SCEL: variants seen among roughly 807,000 people sequenced by gnomAD.
SCEL encodes sciellin.
Under a neutral mutation model 117.6 loss-of-function variants are expected in SCEL, and 113 were observed. The ratio of observed to expected loss-of-function variants is 0.96; its 90% confidence interval spans 0.83 to 1.12. SCEL has a LOEUF of 1.12. Ranked by LOEUF, SCEL falls within the 50% of genes most tolerant of loss-of-function variation. The pLI is 0.00. For synonymous variants in SCEL, 270 were observed against 256.2 expected, an observed-to-expected ratio of 1.05 and a Z score of -0.51; for missense variants, 785 against 810.8, an observed-to-expected ratio of 0.97 and a Z score of 0.39.
chr13:77,541,289 G>A (rs188884773), intron 1 of SCEL, among the ~76,000 whole-genome samples: 54 of 152,226 alleles, frequency 3.5e-4, no homozygotes, highest in African/African-American at 1.3e-3. Flanking sequence ...AAAACAAAAT[G>A]ATTCTACTTT....
At chr13:77,589,100 C>G in intron 9 of SCEL, 44 bp from the exon 10 acceptor site, 1 of 1,413,852 alleles carries the variant, frequency 7.1e-7, no homozygotes, top group Non-Finnish European at 1.0e-6. Context: ...CTAAAATTTA[C>G]CATGTTTCCA....
At chr13:77,601,953 T>G in intron 15 of SCEL, 112 bp from the exon 16 acceptor site, 38 of 749,908 alleles carry the variant, frequency 5.1e-5, no homozygotes, top group Non-Finnish European at 7.6e-5. Context: ...TTGTATCTTA[T>G]GAGATTCTCT....
intron 9 of SCEL, among the ~76,000 whole-genome samples, 183 bp downstream of exon 9, chr13:77,572,372 T>G (rs2085689512): frequency 6.6e-6 from 1 of 152,174 alleles, no homozygotes; most frequent in Admixed American, 6.5e-5. Flanking sequence ...TGATAGGACA[T>G]CTGACAAACT....
At chr13:77,634,605 T>A (rs996641177) in intron 29 of SCEL, among the ~76,000 whole-genome samples, 155 bp downstream of exon 29, 50 of 152,300 alleles carry the variant, frequency 3.3e-4, no homozygotes, top group African/African-American at 1.1e-3. Context: ...TTCTCTATAA[T>A]GTTTCTGATA....
chr13:77,555,477 C>G (rs917530977), intron 1 of SCEL, among the ~76,000 whole-genome samples: 14 of 152,214 alleles, frequency 9.2e-5, no homozygotes, highest in African/African-American at 3.1e-4. Flanking sequence ...CTCTCTCTCC[C>G]TCTTGACTAT....
chr13:77,619,348 C>A (rs1198875001), intron 27 of SCEL, among the ~76,000 whole-genome samples: 1 of 152,086 alleles, frequency 6.6e-6, no homozygotes, highest in Admixed American at 6.6e-5. Context: ...TATTCATGCA[C>A]CCTATTTTGT....
At chr13:77,574,211 A>G (rs749747021) in intron 9 of SCEL, among the ~76,000 whole-genome samples, 2 of 152,242 alleles carry the variant, frequency 1.3e-5, no homozygotes, top group East Asian at 1.9e-4. Flanking sequence ...ATCTCATGCT[A>G]TCAATGCCTG....
chr13:77,558,811 C>T (rs1015311038), intron 3 of SCEL, among the ~76,000 whole-genome samples: 1 of 101,162 alleles, frequency 9.9e-6, no homozygotes, highest in African/African-American at 3.8e-5. Context: ...GAGCAAGACT[C>T]TGTCTTACAA....
At chr13:77,558,116 C>G (rs539462560) in intron 3 of SCEL, among the ~76,000 whole-genome samples, 1 of 152,184 alleles carries the variant, frequency 6.6e-6, no homozygotes, top group East Asian at 1.9e-4. Flanking sequence ...GACATGTAGA[C>G]CATACATTTT....
intron 9 of SCEL, among the ~76,000 whole-genome samples, chr13:77,585,706 C>T (rs1263696869): frequency 1.3e-5 from 2 of 152,118 alleles, no homozygotes; most frequent in African/African-American, 2.4e-5. Context: ...TTCTTATCAC[C>T]TGGACCATCT....
chr13:77,639,509 C>T (rs1051615431), intron 30 of SCEL, among the ~76,000 whole-genome samples: 6 of 152,082 alleles, frequency 3.9e-5, no homozygotes, highest in Non-Finnish European at 7.4e-5. Context: ...TTAGTGGTTC[C>T]TGGGTACGAC....
At chr13:77,600,412 AGCCACCACGCCCG>A in intron 15 of SCEL, among the ~76,000 whole-genome samples, 1 of 151,808 alleles carries the variant, frequency 6.6e-6, no homozygotes, top group East Asian at 1.9e-4. Context: ...TACATGCATG[AGCCACCACGCCCG>A]GCCACCACTG....
At chr13:77,629,250 T>TTAG (rs2089918733) in intron 28 of SCEL, among the ~76,000 whole-genome samples, 1 of 152,120 alleles carries the variant, frequency 6.6e-6, no homozygotes. Context: ...CCCTTGGACA[T>TTAG]TAACTAGAGT....
chr13:77,549,210 C>T (rs2084163232), intron 1 of SCEL, among the ~76,000 whole-genome samples: 1 of 152,132 alleles, frequency 6.6e-6, no homozygotes, highest in African/African-American at 2.4e-5. Flanking sequence ...TCTCTGCATC[C>T]TCACCAGCAT....
intron 3 of SCEL, 137 bp downstream of exon 3, chr13:77,556,850 C>A: frequency 1.5e-6 from 1 of 659,870 alleles, no homozygotes. Context: ...TTTGGTGAGA[C>A]TTAGTAAGCA....
chr13:77,592,385 T>C lies in SCEL; in HGVS notation c.692+925T>C, dbSNP rs187643868. On this transcript the variant is annotated intron_variant, in intron 11 of 32. Coordinates refer to ENST00000349847, the MANE Select transcript of SCEL (RefSeq NM_144777.3). ...TTCACTACATTTAGGAAACACAGTT[T>C]AATAGAGTTTTCTGCCACAGAACTT... Among the ~76,000 whole-genome samples the C allele has an allele frequency of 2.4e-4, 37 of 152,248 alleles. No individual in the cohort carries two copies. The East Asian group carries it at 3.7e-3, about 15-fold the overall frequency.
chr13:77,549,667 G>A (rs557711267), intron 1 of SCEL, among the ~76,000 whole-genome samples: 1 of 152,258 alleles, frequency 6.6e-6, no homozygotes, highest in African/African-American at 2.4e-5. Context: ...TATTTACGTG[G>A]CTTCTGTTTG....
chr13:77,544,707 C>T (rs970991926), intron 1 of SCEL, among the ~76,000 whole-genome samples: 4 of 152,050 alleles, frequency 2.6e-5, no homozygotes, highest in Admixed American at 1.3e-4. Flanking sequence ...ATAGAAAATA[C>T]TGAAGGAAAT....
intron 9 of SCEL, among the ~76,000 whole-genome samples, chr13:77,573,018 C>T (rs768319690): frequency 9.9e-5 from 15 of 152,228 alleles, no homozygotes; most frequent in Non-Finnish European, 1.9e-4. Context: ...TGTTCATAAA[C>T]GTTAAGCGAC....
Sources: gnomAD v4.1 joint callset for allele counts (sites outside exome capture counted in the v4.1 genomes callset) on GRCh38, gnomAD v4.1.1 for gene constraint, MANE v1.5 for transcripts, NCBI Gene and HGNC (gene_info 2026-07-23, HGNC 2026-07-21) for gene names.